THRAP3: variants seen among roughly 807,000 people sequenced by gnomAD.
THRAP3 encodes the protein thyroid hormone receptor-associated protein 3.
Under a neutral mutation model 101.0 loss-of-function variants are expected in THRAP3, and 16 were observed. The observed-to-expected ratio is 0.16, with a 90% CI of 0.11 to 0.24. The LOEUF (loss-of-function observed/expected upper bound fraction) is 0.24. Among genes scored for constraint, THRAP3 ranks in the 10% least tolerant of loss-of-function variants. THRAP3 has a pLI of 1.00. For synonymous variants in THRAP3, 407 were observed against 422.6 expected (o/e 0.96, Z 0.45); for missense variants, 989 against 1,202.7 (o/e 0.82, Z 2.63).
At chr1:36,246,722 G>T (rs1159382347) in intron 1 of THRAP3, among the ~76,000 whole-genome samples, 2 of 151,932 alleles carry the variant, frequency 1.3e-5, no homozygotes, top group African/African-American at 4.8e-5. Flanking sequence ...GGCACTTGTA[G>T]TCCCAGCTGC....
intron 2 of THRAP3, among the ~76,000 whole-genome samples, chr1:36,272,580 T>A (rs1448105638): frequency 6.6e-6 from 1 of 152,212 alleles, no homozygotes; most frequent in Non-Finnish European, 1.5e-5. Context: ...CCCATAACTG[T>A]CCAGAGGCAT....
At chr1:36,243,271 A>G (rs1361602580) in intron 1 of THRAP3, among the ~76,000 whole-genome samples, 3 of 150,944 alleles carry the variant, frequency 2.0e-5, no homozygotes, top group Non-Finnish European at 2.9e-5. Flanking sequence ...GTCACAGGAC[A>G]ATAGTGGAGG....
At position 36,259,865 on chromosome 1, in the gene THRAP3, G is replaced by A. The variant is rs190065372; in HGVS notation, c.-32+381G>A. Among the ~76,000 whole-genome samples, 382 of 152,182 alleles carry A rather than the reference G, an allele frequency of 2.5e-3. 1 individual carries two copies. Among genetic ancestry groups the A allele is most frequent in the Middle Eastern group, 0.014 (4 of 294 alleles). On this transcript the variant is annotated intron_variant, in intron 2 of 11. Transcript: ENST00000354618. ...CAGTATTCGTTTGAAAAAGGCTGTC[G>A]GTAAACTTGACATCTGTAATCATTA...
intron 2 of THRAP3, among the ~76,000 whole-genome samples, chr1:36,277,862 C>T (rs1258136882): frequency 6.6e-6 from 1 of 151,908 alleles, no homozygotes; most frequent in Non-Finnish European, 1.5e-5. Context: ...CAGGTTCAGT[C>T]GATTCTCCTG....
chr1:36,208,783 C>CA, the THRAP3 span, among the ~76,000 whole-genome samples: 2 of 152,050 alleles, frequency 1.3e-5, no homozygotes, highest in African/African-American at 4.8e-5. Context: ...TCTCCCGCCT[C>CA]AGCCTCCTGA....
rs1366471073 is a variant in THRAP3, at chr1:36,287,054, C to T, written c.824C>T (p.Pro275Leu). 1.2e-6 allele frequency: 2 copies of T among 1,613,702 alleles called. No homozygotes were observed. Among genetic ancestry groups the T allele is most frequent in the Non-Finnish European group, 8.5e-7 (1 of 1,179,674 alleles). ...CCTAGCCCCGTGCCAAAACCTAGTCCTCCACTTTCCAGCACATCCCAGATG... is the reference window on the plus strand; with the variant it reads ...CCTAGCCCCGTGCCAAAACCTAGTCTTCCACTTTCCAGCACATCCCAGATG... ...PRPSPVPKPS[P>L]PLSSTSQMGS... Residue 275 changes from proline (P) to leucine (L), a missense_variant, in exon 4 of 12, where the codon CCT becomes CTT. Transcript: ENST00000354618.
At chr1:36,243,476 T>A (rs1022017700) in intron 1 of THRAP3, among the ~76,000 whole-genome samples, 6 of 151,986 alleles carry the variant, frequency 3.9e-5, no homozygotes, top group Non-Finnish European at 2.9e-5. Context: ...CAACCCTGAG[T>A]GGATACAGCA....
the THRAP3 span, among the ~76,000 whole-genome samples, chr1:36,217,845 TCTC>T: frequency 6.6e-6 from 1 of 152,022 alleles, no homozygotes; most frequent in Non-Finnish European, 1.5e-5. Flanking sequence ...TTTCTCTCCT[TCTC>T]CTCCAGTCTC....
intron 11 of THRAP3, among the ~76,000 whole-genome samples, chr1:36,302,356 C>T (rs954568831): frequency 6.6e-6 from 1 of 152,176 alleles, no homozygotes; most frequent in African/African-American, 2.4e-5. Flanking sequence ...TCTGTATTGT[C>T]AGTTGGACAG....
At position 36,301,693 on chromosome 1, in the gene THRAP3, C is replaced by T. The variant is rs368898885; in HGVS notation, c.2643C>T (p.Tyr881=). ...ACACACCCAAAAGCAAGAAGTATTA[C>T]TTGGTATGTGTCTGGGGATAACCAG... ...PEYTPKSKKY[Y]LHDDREGEGS... is the part of the protein sequence containing the mutation. The change falls in exon 11 of 12, where the codon TAC becomes TAT. Residue 881 remains tyrosine (Y), a synonymous_variant. Coordinates refer to ENST00000354618, the MANE Select transcript of THRAP3 (RefSeq NM_005119.4). The T allele has an allele frequency of 2.4e-5, 39 of 1,613,050 alleles. No homozygotes were observed. The African/African-American group carries it at 4.9e-4, about 20-fold the overall frequency.
chr1:36,264,429 A>G lies in THRAP3; in HGVS notation c.-32+4945A>G, dbSNP rs377718468. 2.6e-5 allele frequency among the ~76,000 whole-genome samples: 4 copies of G among 152,238 alleles called. No individual in the cohort carries two copies. The East Asian group carries it at 7.7e-4, about 29-fold the overall frequency. On this transcript the variant is annotated intron_variant, in intron 2 of 11. Transcript: ENST00000354618. Reference sequence around the variant, plus strand: ...TGTCCAGGAATGGGTGGCAGAGCCAAGATTGAACCCAGTTCGTTTTTGCTA... The same window carrying G: ...TGTCCAGGAATGGGTGGCAGAGCCAGGATTGAACCCAGTTCGTTTTTGCTA...
chr1:36,276,671 A>C (rs770316299), intron 2 of THRAP3, among the ~76,000 whole-genome samples: 2 of 152,070 alleles, frequency 1.3e-5, no homozygotes, highest in Non-Finnish European at 2.9e-5. Flanking sequence ...AGCCTGATCA[A>C]CATGGTGAAA....
At chr1:36,294,464 A>G (rs916424990) in intron 8 of THRAP3, among the ~76,000 whole-genome samples, 23 of 152,276 alleles carry the variant, frequency 1.5e-4, no homozygotes, top group African/African-American at 4.1e-4. Flanking sequence ...TACATTTGCA[A>G]TGATGTGCAC....
chr1:36,234,615 T>C lies in THRAP3; in HGVS notation c.-135+10110T>C, dbSNP rs116823295. On this transcript the variant is annotated intron_variant, in intron 1 of 11. Transcript: ENST00000354618. ...AATAGGGATGCACTTCTTGGGTTTGTTTATTATGAAAGCTTAATATTTAGC... is the reference window on the plus strand; with the variant it reads ...AATAGGGATGCACTTCTTGGGTTTGCTTATTATGAAAGCTTAATATTTAGC... 6.3e-3 allele frequency among the ~76,000 whole-genome samples: 962 copies of C among 152,240 alleles called. 10 individuals carry two copies. Among genetic ancestry groups the C allele is most frequent in the African/African-American group, 0.022 (911 of 41,552 alleles).
In THRAP3 at chr1:36,303,877, C is replaced by A. The variant is rs1301554498; in HGVS notation, c.2728C>A (p.Arg910=). The change falls in exon 12 of 12, where the codon CGG becomes AGG. Residue 910 remains arginine, a synonymous_variant. Coordinates refer to ENST00000354618, the MANE Select transcript of THRAP3 (RefSeq NM_005119.4). ...GRGAFPRGRG[R]FMFRKSSTSP... is the part of the protein sequence containing the mutation. Reference sequence around the variant, plus strand: ...AGGAGCCTTTCCTCGGGGTCGGGGCCGGTTCATGTTCCGGAAATCAAGTAC... The same window carrying A: ...AGGAGCCTTTCCTCGGGGTCGGGGCAGGTTCATGTTCCGGAAATCAAGTAC... The A allele has an allele frequency of 6.2e-7, 1 of 1,613,716 alleles. No homozygotes were observed. The highest frequency in any genetic ancestry group is 8.5e-7 in the Non-Finnish European group (1 of 1,179,922).
chr1:36,301,668 A>C lies in THRAP3; in HGVS notation c.2618A>C (p.Tyr873Ser). 1.2e-6 allele frequency: 2 copies of C among 1,614,104 alleles called. No individual in the cohort carries two copies. Among genetic ancestry groups the C allele is most frequent in the South Asian group, 2.2e-5 (2 of 91,074 alleles). The change falls in exon 11 of 12, where the codon TAC becomes TCC. Residue 873 changes from tyrosine (Y) to serine (S), a missense_variant. Physicochemically the swap from Tyr to Ser is moderately radical, Grantham distance 144 (BLOSUM62 -2). Transcript: ENST00000354618. ...RNREEEWDPE[Y>S]TPKSKKYYLH... ...CGGGAAGAGGAGTGGGACCCAGAGT[A>C]CACACCCAAAAGCAAGAAGTATTAC...
At chr1:36,232,989 C>T (rs995635688) in intron 1 of THRAP3, among the ~76,000 whole-genome samples, 4 of 151,406 alleles carry the variant, frequency 2.6e-5, no homozygotes, top group Admixed American at 2.6e-4. Context: ...CTGCCTGAGC[C>T]TCCTGAGAAG....
At chr1:36,282,004 C>T (rs1013799985) in intron 2 of THRAP3, among the ~76,000 whole-genome samples, 9 of 152,000 alleles carry the variant, frequency 5.9e-5, no homozygotes, top group East Asian at 1.9e-4. Context: ...ACCCGGGAGG[C>T]GGAGGTTGTG....
At chr1:36,215,802 T>C in the THRAP3 span, among the ~76,000 whole-genome samples, 4 of 151,332 alleles carry the variant, frequency 2.6e-5, no homozygotes, top group Admixed American at 2.0e-4. Context: ...CAGGCTGGAG[T>C]GCAACGGCAC....
Sources: gnomAD v4.1 joint callset for allele counts (sites outside exome capture counted in the v4.1 genomes callset) on GRCh38, gnomAD v4.1.1 for gene constraint, MANE v1.5 for transcripts, NCBI Gene and HGNC (gene_info 2026-07-23, HGNC 2026-07-21) for gene names.